Variants in AGBL4 observed in about 807,000 individuals in gnomAD.
AGBL4 encodes the protein AGBL carboxypeptidase 4.
Under a neutral mutation model 66.4 loss-of-function variants are expected in AGBL4, and 58 were observed. The ratio of observed to expected loss-of-function variants is 0.87; its 90% CI spans 0.71 to 1.09. The LOEUF is 1.09. Ranked by LOEUF, AGBL4 falls within the 50% of genes least tolerant of loss-of-function variation. AGBL4 has a pLI of 0.00. For missense variants in AGBL4, 579 were observed against 631.0 expected (o/e 0.92, Z 0.88); for synonymous variants, 234 against 222.9 (o/e 1.05, Z -0.44).
chr1:48,661,450 AG>A (rs1353274163), intron 7 of AGBL4, among the ~76,000 whole-genome samples: 4 of 152,200 alleles, frequency 2.6e-5, no homozygotes. Flanking sequence ...ACCAGGTGAG[AG>A]CCAGATGACA....
At chr1:48,968,953 A>G (rs537833407) in intron 5 of AGBL4, among the ~76,000 whole-genome samples, 9 of 152,288 alleles carry the variant, frequency 5.9e-5, no homozygotes, top group Admixed American at 3.9e-4. Context: ...CCAAAATAAC[A>G]TGTATTTAAC....
intron 6 of AGBL4, among the ~76,000 whole-genome samples, chr1:48,830,733 T>C (rs1646532400): frequency 6.6e-6 from 1 of 152,228 alleles, no homozygotes; most frequent in Non-Finnish European, 1.5e-5. Context: ...TAAATAACTT[T>C]GGGCACCTAG....
intron 4 of AGBL4, among the ~76,000 whole-genome samples, chr1:49,222,869 A>G (rs1649609544): frequency 6.6e-6 from 1 of 152,194 alleles, no homozygotes; most frequent in Non-Finnish European, 1.5e-5. Context: ...AGTTTTTGGC[A>G]AGGGTCTAGA....
At chr1:48,858,745 C>G (rs1165244667) in intron 6 of AGBL4, among the ~76,000 whole-genome samples, 1 of 152,016 alleles carries the variant, frequency 6.6e-6, no homozygotes, top group Non-Finnish European at 1.5e-5. Flanking sequence ...TGTTCTGGAA[C>G]TAGGTAGTGG....
At chr1:49,510,405 C>A (rs1043481849) in intron 3 of AGBL4, among the ~76,000 whole-genome samples, 5 of 150,718 alleles carry the variant, frequency 3.3e-5, no homozygotes, top group African/African-American at 4.9e-5. Context: ...CTGTTCATGT[C>A]CTTTGCCCAC....
chr1:49,307,794 C>A (rs755276999), intron 3 of AGBL4, among the ~76,000 whole-genome samples: 8 of 152,134 alleles, frequency 5.3e-5, no homozygotes, highest in Non-Finnish European at 1.2e-4. Flanking sequence ...TCTCTCCAAT[C>A]TGATGAGACA....
At chr1:49,541,441 C>T (rs1265334385) in intron 3 of AGBL4, among the ~76,000 whole-genome samples, 1 of 152,202 alleles carries the variant, frequency 6.6e-6, no homozygotes, top group Non-Finnish European at 1.5e-5. Flanking sequence ...TCAGCAGGTG[C>T]TGCCAGCCCC....
intron 1 of AGBL4, among the ~76,000 whole-genome samples, chr1:49,957,183 C>T (rs1433742676): frequency 2.6e-5 from 4 of 151,652 alleles, no homozygotes; most frequent in East Asian, 3.9e-4. Flanking sequence ...ATTAAATAAG[C>T]GTTTTAACAA....
intron 6 of AGBL4, among the ~76,000 whole-genome samples, chr1:48,715,170 G>A (rs1647029563): frequency 6.6e-6 from 1 of 152,152 alleles, no homozygotes; most frequent in Non-Finnish European, 1.5e-5. Context: ...GAGAGGACTT[G>A]ATAAGCACAT....
In AGBL4 at chr1:49,352,890, G is replaced by C. The variant is rs1643940156; in HGVS notation, c.283-107026C>G. Among the ~76,000 whole-genome samples, 3 of 152,232 alleles carry C rather than the reference G, an allele frequency of 2.0e-5. No individual in the cohort carries two copies. The South Asian group carries it at 6.2e-4, about 32-fold the overall frequency. ...ATAGTAGTAGCAGCAGATGGAGTTGGGATTCAAACCTAGGTTGGACTGGTC... is the reference window on the plus strand; with the variant it reads ...ATAGTAGTAGCAGCAGATGGAGTTGCGATTCAAACCTAGGTTGGACTGGTC... On this transcript the variant is annotated intron_variant, in intron 3 of 13. Coordinates refer to ENST00000371839, the MANE Select transcript of AGBL4 (RefSeq NM_032785.4).
chr1:49,151,389 G>T (rs1646330861), intron 4 of AGBL4, among the ~76,000 whole-genome samples: 1 of 151,522 alleles, frequency 6.6e-6, no homozygotes, highest in South Asian at 2.1e-4. Context: ...GTTTTCCAAT[G>T]ATAGTTTAAA....
At chr1:49,410,290 C>T (rs1166522716) in intron 3 of AGBL4, among the ~76,000 whole-genome samples, 1 of 152,144 alleles carries the variant, frequency 6.6e-6, no homozygotes, top group African/African-American at 2.4e-5. Context: ...TGAGTTTCTG[C>T]TCACACCTGA....
intron 6 of AGBL4, among the ~76,000 whole-genome samples, chr1:48,699,241 T>C (rs1244848001): frequency 1.3e-5 from 2 of 152,194 alleles, no homozygotes; most frequent in East Asian, 3.8e-4. Context: ...TGCTCTGTGG[T>C]CTTAGGCATG....
intron 4 of AGBL4, among the ~76,000 whole-genome samples, chr1:49,124,688 T>C (rs749897004): frequency 1.3e-4 from 20 of 152,240 alleles, no homozygotes; most frequent in Non-Finnish European, 2.4e-4. Flanking sequence ...CATACAGGGT[T>C]GTTAAGATTA....
chr1:49,960,895 T>C (rs1482755089), intron 1 of AGBL4, among the ~76,000 whole-genome samples: 2 of 152,198 alleles, frequency 1.3e-5, no homozygotes, highest in Non-Finnish European at 2.9e-5. Flanking sequence ...AGTAGGGAAC[T>C]TGACAATTAT....
intron 6 of AGBL4, among the ~76,000 whole-genome samples, chr1:48,762,199 C>T (rs184183596): frequency 3.9e-5 from 6 of 152,076 alleles, no homozygotes; most frequent in Admixed American, 1.3e-4. Flanking sequence ...TCTGGCACCT[C>T]GCCCACTGCT....
At chr1:48,541,963 G>A (rs1644079398) in intron 11 of AGBL4, among the ~76,000 whole-genome samples, 1 of 151,948 alleles carries the variant, frequency 6.6e-6, no homozygotes, top group Non-Finnish European at 1.5e-5. Context: ...TTTACATTAG[G>A]TATTTCTCCT....
intron 1 of AGBL4, among the ~76,000 whole-genome samples, chr1:49,996,427 A>G (rs1660374056): frequency 6.6e-6 from 1 of 152,198 alleles, no homozygotes; most frequent in Admixed American, 6.5e-5. Flanking sequence ...ATACATTGGA[A>G]AATCTCAGCA....
At chr1:49,532,277 A>G (rs1367600595) in intron 3 of AGBL4, among the ~76,000 whole-genome samples, 1 of 152,158 alleles carries the variant, frequency 6.6e-6, no homozygotes, top group Non-Finnish European at 1.5e-5. Flanking sequence ...TCAGGGAATT[A>G]GCTTTTATTA....
Sources: gnomAD v4.1 joint callset for allele counts (sites outside exome capture counted in the v4.1 genomes callset) on GRCh38, gnomAD v4.1.1 for gene constraint, MANE v1.5 for transcripts, NCBI Gene and HGNC (gene_info 2026-07-23, HGNC 2026-07-21) for gene names.